L3MBTL4: variants seen among roughly 807,000 people sequenced by gnomAD.
L3MBTL4 encodes the protein lethal(3)malignant brain tumor-like protein 4.
A neutral mutation model predicts 84.5 loss-of-function variants in L3MBTL4; 70 were observed. That is an observed-to-expected ratio of 0.83 (90% CI 0.68 to 1.01). The LOEUF (loss-of-function observed/expected upper bound fraction) is 1.01, where lower values mean the gene tolerates loss of function less well. Ranked by LOEUF, L3MBTL4 falls within the 50% of genes least tolerant of loss-of-function variation. The pLI, the probability that L3MBTL4 is intolerant of heterozygous loss-of-function variation, is 0.00. For synonymous variants in L3MBTL4, 274 were observed against 259.8 expected, an observed-to-expected ratio of 1.05 and a Z score of -0.52; for missense variants, 715 against 754.8, an observed-to-expected ratio of 0.95 and a Z score of 0.62.
Position 6,338,812 on chromosome 18 carries a change from A to G in L3MBTL4, c.-90-26756T>C, listed in dbSNP as rs181956959. On this transcript the variant is annotated intron_variant, in intron 1 of 18. Coordinates refer to ENST00000317931, the MANE Select transcript of L3MBTL4 (RefSeq NM_001330559.2). ...AATATGTTTTAACATAAAAAGACAT[A>G]CCATGAAAAAAACTAACTTTTTAAA... Among the ~76,000 whole-genome samples, 615 of 152,266 alleles carry G rather than the reference A, an allele frequency of 4.0e-3. 4 individuals are homozygous for G. The highest frequency in any genetic ancestry group is 0.014 in the African/African-American group (576 of 41,562).
intron 12 of L3MBTL4, among the ~76,000 whole-genome samples, chr18:6,185,912 C>T (rs74941375): frequency 6.6e-6 from 1 of 151,818 alleles, no homozygotes; most frequent in Non-Finnish European, 1.5e-5. Flanking sequence ...GCTGACTCAG[C>T]CAGAAGACTG....
At chr18:6,238,124 A>G in intron 9 of L3MBTL4, 84 bp from the exon 10 acceptor site, 2 of 1,193,402 alleles carry the variant, frequency 1.7e-6, no homozygotes, top group Non-Finnish European at 2.5e-6. Context: ...TCTGGATATC[A>G]ACAGATACCA....
chr18:6,203,551 C>T (rs1442222753), intron 12 of L3MBTL4, among the ~76,000 whole-genome samples: 2 of 152,126 alleles, frequency 1.3e-5, no homozygotes, highest in South Asian at 2.1e-4. Flanking sequence ...AGAAGCCACT[C>T]ATACCTGACT....
rs2048530853 is a variant in L3MBTL4, at chr18:6,264,213, T to G, written c.128-175A>C. Among the ~76,000 whole-genome samples, 3 of 152,172 alleles carry G rather than the reference T, an allele frequency of 2.0e-5. No individual in the cohort carries two copies. The South Asian group carries it at 6.2e-4, about 32-fold the overall frequency. The stretch of plus-strand genomic sequence containing the variant: ...CATATGAACATTTAGTAAAATCACC[T>G]AACCACTCCATATTCAGCTCTTCCT... On this transcript the variant is annotated intron_variant, in intron 4 of 18. Transcript: ENST00000317931.
chr18:6,282,544 G>A (rs1197146098), intron 4 of L3MBTL4, among the ~76,000 whole-genome samples: 2 of 152,160 alleles, frequency 1.3e-5, no homozygotes, highest in African/African-American at 4.8e-5. Context: ...GGAGCAGGAG[G>A]AAAGAAGGGG....
At chr18:6,130,610 T>C (rs1014037120) in intron 14 of L3MBTL4, among the ~76,000 whole-genome samples, 5 of 152,176 alleles carry the variant, frequency 3.3e-5, no homozygotes, top group African/African-American at 1.2e-4. Flanking sequence ...TAATTATTGG[T>C]TCTTCAATAA....
chr18:6,207,138 T>C (rs1555689391), intron 12 of L3MBTL4, among the ~76,000 whole-genome samples: 1 of 152,218 alleles, frequency 6.6e-6, no homozygotes, highest in Non-Finnish European at 1.5e-5. Flanking sequence ...AAAGTATGTG[T>C]GATGCAAATT....
chr18:6,248,292 C>A (rs1037793944), intron 5 of L3MBTL4, among the ~76,000 whole-genome samples: 4 of 152,142 alleles, frequency 2.6e-5, no homozygotes, highest in Non-Finnish European at 4.4e-5. Context: ...TTCTTTGCAA[C>A]TTTCCCTCCC....
intron 1 of L3MBTL4, among the ~76,000 whole-genome samples, chr18:6,342,941 A>G (rs181496733): frequency 1.2e-4 from 18 of 152,312 alleles, no homozygotes; most frequent in Admixed American, 7.2e-4. Flanking sequence ...AGCTATACTT[A>G]TATCAGAAAA....
At chr18:6,202,333 T>C (rs1259661077) in intron 12 of L3MBTL4, among the ~76,000 whole-genome samples, 1 of 152,082 alleles carries the variant, frequency 6.6e-6, no homozygotes, top group Non-Finnish European at 1.5e-5. Context: ...CAGGACTTGA[T>C]TATGCAGGAT....
intron 16 of L3MBTL4, among the ~76,000 whole-genome samples, chr18:5,988,332 G>C (rs2053550469): frequency 6.6e-6 from 1 of 152,184 alleles, no homozygotes; most frequent in Admixed American, 6.5e-5. Context: ...TGGGATAACA[G>C]ATCATGAGAT....
intron 14 of L3MBTL4, among the ~76,000 whole-genome samples, chr18:6,098,918 A>G (rs568487309): frequency 4.1e-4 from 62 of 152,268 alleles, no homozygotes; most frequent in African/African-American, 1.4e-3. Context: ...GCCTCCCAGA[A>G]CCAAAGGACA....
chr18:6,300,554 G>A (rs1287422176), intron 4 of L3MBTL4, among the ~76,000 whole-genome samples: 12 of 152,180 alleles, frequency 7.9e-5, no homozygotes, highest in Admixed American at 7.2e-4. Flanking sequence ...AAAGCTATTT[G>A]AGATAAATAT....
intron 1 of L3MBTL4, among the ~76,000 whole-genome samples, chr18:6,334,969 T>C (rs1181711287): frequency 6.6e-6 from 1 of 152,244 alleles, no homozygotes; most frequent in African/African-American, 2.4e-5. Context: ...CTAGCAACAC[T>C]AAAAAAAGCA....
intron 16 of L3MBTL4, chr18:6,032,126 C>T (rs1255253711): frequency 8.0e-6 from 2 of 250,986 alleles, no homozygotes; most frequent in African/African-American, 2.4e-5. Context: ...TATAGGCACC[C>T]GCCACCACGC....
chr18:6,365,334 G>A (rs1043573182), intron 1 of L3MBTL4, among the ~76,000 whole-genome samples: 2 of 152,144 alleles, frequency 1.3e-5, no homozygotes, highest in Admixed American at 6.5e-5. Flanking sequence ...TGTCTAAGGA[G>A]CTGTTATTTT....
At chr18:6,252,050 G>A (rs1196140131) in intron 5 of L3MBTL4, among the ~76,000 whole-genome samples, 16 of 152,212 alleles carry the variant, frequency 1.1e-4, no homozygotes, top group African/African-American at 2.9e-4. Context: ...GGTGGCTCAC[G>A]CCTGCAATCC....
At chr18:6,221,404 C>A (rs1389785306) in intron 10 of L3MBTL4, among the ~76,000 whole-genome samples, 2 of 152,062 alleles carry the variant, frequency 1.3e-5, no homozygotes, top group African/African-American at 4.8e-5. Flanking sequence ...ATCTATCTGT[C>A]TATTGGATCT....
intron 13 of L3MBTL4, among the ~76,000 whole-genome samples, chr18:6,160,636 C>T (rs779591171): frequency 1.3e-5 from 2 of 149,108 alleles, no homozygotes; most frequent in Non-Finnish European, 2.9e-5. Flanking sequence ...GAGTATGAGA[C>T]AGGAGAATCA....
Sources: allele counts gnomAD v4.1 joint callset (sites outside exome capture counted in the v4.1 genomes callset), GRCh38; gene constraint gnomAD v4.1.1; transcripts MANE v1.5; gene names NCBI Gene and HGNC (gene_info 2026-07-23, HGNC 2026-07-21).